Variants in PIP4P2 observed in about 807,000 individuals in gnomAD.
The protein encoded by PIP4P2 is phosphatidylinositol-4,5-bisphosphate 4-phosphatase 2.
A neutral mutation model predicts 33.3 loss-of-function variants in PIP4P2; 19 were observed. That is an observed-to-expected ratio of 0.57 (90% CI 0.40 to 0.84). PIP4P2 has a LOEUF of 0.84. Among genes scored for constraint, PIP4P2 ranks in the 40% least tolerant of loss-of-function variants. The probability of loss-of-function intolerance (pLI) is 0.00; values close to 1 mark genes in which losing one functional copy is unlikely to be tolerated. For synonymous variants in PIP4P2, 110 were observed against 111.9 expected (o/e 0.98, Z 0.11); for missense variants, 270 against 324.7 (o/e 0.83, Z 1.29).
At chr8:91,012,498 C>T (rs921629353) in intron 4 of PIP4P2, among the ~76,000 whole-genome samples, 2 of 152,020 alleles carry the variant, frequency 1.3e-5, no homozygotes, top group African/African-American at 2.4e-5. Flanking sequence ...TAATACTGAG[C>T]ATCTCTCATT....
chr8:91,027,778 T>G (rs961972927), intron 1 of PIP4P2, among the ~76,000 whole-genome samples: 1 of 152,186 alleles, frequency 6.6e-6, no homozygotes, highest in Non-Finnish European at 1.5e-5. Context: ...CCTAGAATAA[T>G]GCAGAAAACG....
rs991024897 is a variant in PIP4P2 at position 91,040,832 on chromosome 8, T to G, written c.-83A>C. 1 of 1,084,152 alleles carries G rather than the reference T, an allele frequency of 9.2e-7. No homozygotes were observed. Among genetic ancestry groups the G allele is most frequent in the Non-Finnish European group, 1.3e-6 (1 of 772,888 alleles). The allele number at this position is 1,084,152 out of a possible 1,614,324, so 67.2% of individuals were successfully genotyped here. A position where few individuals can be genotyped will look rare whatever the true frequency, so the allele number is the denominator to read the frequency against. The stretch of plus-strand genomic sequence containing the variant: ...TGGTGGCTACTGCTGCTGCCTCTGC[T>G]GCCGCTGCTGCCGCTGCAGCTGCTG... On this transcript the variant is annotated 5_prime_UTR_variant, in exon 1 of 7. Coordinates refer to ENST00000285419, the MANE Select transcript of PIP4P2 (RefSeq NM_018710.3).
chr8:91,021,293 T>C lies in PIP4P2; in HGVS notation c.218A>G (p.Gln73Arg). 1 of 1,613,862 alleles carries C rather than the reference T, an allele frequency of 6.2e-7. No homozygotes were observed. The highest frequency in any genetic ancestry group is 1.1e-5 in the South Asian group (1 of 91,082). Residue 73 changes from glutamine to arginine, a missense_variant, in exon 2 of 7, where the codon CAG becomes CGG. Coordinates refer to ENST00000285419, the MANE Select transcript of PIP4P2 (RefSeq NM_018710.3). ...SLINLDGKLHQHVVKCTVCNE... is the reference protein window; with the variant it reads ...SLINLDGKLHRHVVKCTVCNE... ...GCAAACTGTGCACTTAACCACATGC[T>C]GGTGAAGCTTGCCATCCAAATTGAT...
chr8:91,019,717 G>A lies in PIP4P2; in HGVS notation c.362+440C>T, dbSNP rs116023360. Among the ~76,000 whole-genome samples the A allele has an allele frequency of 1.7e-3, 259 of 151,968 alleles. 1 individual carries two copies. The highest frequency in any genetic ancestry group is 6.1e-3 in the African/African-American group (252 of 41,462). On this transcript the variant is annotated intron_variant, in intron 3 of 6. Transcript: ENST00000285419. ...GTCTCCCAAGTAACTGGGAATATAGGTGCATGCTGTCACACCTGGCTAATT... is the reference window on the plus strand; with the variant it reads ...GTCTCCCAAGTAACTGGGAATATAGATGCATGCTGTCACACCTGGCTAATT...
chr8:91,023,664 T>C lies in PIP4P2; in HGVS notation c.107-2260A>G, dbSNP rs1001570538. Among the ~76,000 whole-genome samples, 8 of 151,890 alleles carry C rather than the reference T, an allele frequency of 5.3e-5. No individual in the cohort carries two copies. The East Asian group carries it at 5.8e-4, about 11-fold the overall frequency. On this transcript the variant is annotated intron_variant, in intron 1 of 6. Transcript: ENST00000285419. ...ACATGGACAGAACAAGCAGTGAAGA[T>C]TATAAATCTAATATAAGAGAGACCA... is the stretch of plus-strand genomic sequence containing the variant.
At chr8:91,032,110 C>G (rs958802337) in intron 1 of PIP4P2, among the ~76,000 whole-genome samples, 3 of 152,170 alleles carry the variant, frequency 2.0e-5, no homozygotes, top group Non-Finnish European at 2.9e-5. Flanking sequence ...GATAAAAAGC[C>G]TCAGGTCTCC....
chr8:91,020,402 A>G, intron 2 of PIP4P2, 139 bp from the exon 3 acceptor site: 2 of 788,432 alleles, frequency 2.5e-6, no homozygotes, highest in South Asian at 1.7e-5. Flanking sequence ...TTATTTTATG[A>G]TTTTTCTATA....
chr8:91,001,714 C>T (rs1281814043), intron 5 of PIP4P2, among the ~76,000 whole-genome samples: 1 of 151,890 alleles, frequency 6.6e-6, no homozygotes, highest in Admixed American at 6.6e-5. Context: ...TTTTAGAGGT[C>T]TAATTATGCT....
chr8:90,996,875 CAAGAA>C, intron 5 of PIP4P2, 131 bp from the exon 6 acceptor site: 1 of 690,094 alleles, frequency 1.4e-6, no homozygotes, highest in Middle Eastern at 4.1e-4. Context: ...ACTTTACAGA[CAAGAA>C]CATGCATTAA....
At chr8:91,003,823 A>C (rs1448099814) in intron 5 of PIP4P2, among the ~76,000 whole-genome samples, 1 of 152,198 alleles carries the variant, frequency 6.6e-6, no homozygotes, top group African/African-American at 2.4e-5. Flanking sequence ...TAAAGCCAAC[A>C]AAGAAGAGTT....
intron 1 of PIP4P2, among the ~76,000 whole-genome samples, chr8:91,037,895 G>C (rs1476760565): frequency 2.0e-5 from 3 of 152,134 alleles, no homozygotes; most frequent in Non-Finnish European, 4.4e-5. Context: ...CATCAAAACT[G>C]TGTAAATTTT....
chr8:91,017,981 T>C (rs1305376332), intron 4 of PIP4P2, among the ~76,000 whole-genome samples: 4 of 152,206 alleles, frequency 2.6e-5, no homozygotes, highest in African/African-American at 9.6e-5. Flanking sequence ...TCAGAAAATT[T>C]TTGATAAATT....
chr8:91,024,256 A>C, intron 1 of PIP4P2: 2 of 412,090 alleles, frequency 4.9e-6, no homozygotes, highest in South Asian at 1.8e-5. Context: ...TATTTCTTGT[A>C]CTTTTGGCCT....
At chr8:91,024,433 A>T (rs1812054747) in intron 1 of PIP4P2, 1 of 327,922 alleles carries the variant, frequency 3.0e-6, no homozygotes, top group African/African-American at 2.2e-5. Context: ...GATTAAACCT[A>T]TAATAATTAA....
At chr8:91,037,032 G>C (rs1563570579) in intron 1 of PIP4P2, among the ~76,000 whole-genome samples, 1 of 152,154 alleles carries the variant, frequency 6.6e-6, no homozygotes, top group Non-Finnish European at 1.5e-5. Flanking sequence ...TCCCCAGAGT[G>C]TACTTTACAA....
At chr8:91,018,043 G>A (rs1301089748) in intron 4 of PIP4P2, among the ~76,000 whole-genome samples, 1 of 152,150 alleles carries the variant, frequency 6.6e-6, no homozygotes, top group African/African-American at 2.4e-5. Context: ...TCTACTGCAT[G>A]AGATTGTGCA....
chr8:91,008,051 C>T (rs919182745), intron 5 of PIP4P2, among the ~76,000 whole-genome samples: 29 of 152,180 alleles, frequency 1.9e-4, no homozygotes, highest in African/African-American at 6.0e-4. Flanking sequence ...CTGCCTTTTC[C>T]TTTTGCTGAT....
chr8:91,003,295 C>T (rs565363462), intron 5 of PIP4P2, among the ~76,000 whole-genome samples: 1 of 152,054 alleles, frequency 6.6e-6, no homozygotes, highest in Non-Finnish European at 1.5e-5. Context: ...AATTAGAAAA[C>T]CAATGCAATA....
chr8:91,006,495 G>A (rs1010660069), intron 5 of PIP4P2, among the ~76,000 whole-genome samples: 23 of 152,100 alleles, frequency 1.5e-4, no homozygotes, highest in African/African-American at 5.3e-4. Context: ...GCCATTGTAC[G>A]AAAATAATTA....
Sources: gnomAD v4.1 joint callset for allele counts (sites outside exome capture counted in the v4.1 genomes callset) on GRCh38, gnomAD v4.1.1 for gene constraint, MANE v1.5 for transcripts, NCBI Gene and HGNC (gene_info 2026-07-23, HGNC 2026-07-21) for gene names.